TMEFF2: variants seen among roughly 807,000 people sequenced by gnomAD.
TMEFF2 encodes transmembrane protein with EGF like and two follistatin like domains 2, also known as tomoregulin-2.
In TMEFF2, 28 loss-of-function variants were observed where a neutral mutation model predicts 53.8. The observed-to-expected ratio is 0.52, with a 90% CI of 0.39 to 0.71. The LOEUF is 0.71. Among genes scored for constraint, TMEFF2 ranks in the 30% least tolerant of loss-of-function variants. TMEFF2 has a pLI of 0.00. For synonymous variants in TMEFF2, 162 were observed against 166.3 expected (o/e 0.97, Z 0.20); for missense variants, 353 against 455.2 (o/e 0.78, Z 2.04).
intron 4 of TMEFF2, among the ~76,000 whole-genome samples, chr2:192,128,189 A>AT (rs1318449496): frequency 6.6e-6 from 1 of 152,172 alleles, no homozygotes; most frequent in Non-Finnish European, 1.5e-5. Flanking sequence ...AAAGCCTACA[A>AT]TTTTCAAGAA....
intron 5 of TMEFF2, among the ~76,000 whole-genome samples, chr2:192,051,563 A>G (rs1306560908): frequency 2.6e-5 from 4 of 152,186 alleles, no homozygotes; most frequent in African/African-American, 9.7e-5. Flanking sequence ...AGGTGTCTTA[A>G]TTTTCCCTAT....
chr2:192,082,019 C>G (rs975289613), intron 4 of TMEFF2, among the ~76,000 whole-genome samples: 5 of 152,052 alleles, frequency 3.3e-5, no homozygotes, highest in Non-Finnish European at 7.4e-5. Flanking sequence ...CCAGGATGGT[C>G]TTGATCTCCT....
intron 7 of TMEFF2, among the ~76,000 whole-genome samples, chr2:191,966,131 G>A (rs1692464849): frequency 6.6e-6 from 1 of 152,118 alleles, no homozygotes; most frequent in African/African-American, 2.4e-5. Context: ...ATATACAAAA[G>A]TAAAAGCAGT....
intron 4 of TMEFF2, among the ~76,000 whole-genome samples, chr2:192,120,459 T>C (rs1490662187): frequency 1.3e-5 from 2 of 152,162 alleles, no homozygotes; most frequent in Non-Finnish European, 2.9e-5. Context: ...TGCTCATAAA[T>C]ATATACAGCT....
chr2:192,014,597 C>T (rs910868014), intron 5 of TMEFF2, among the ~76,000 whole-genome samples: 1 of 152,124 alleles, frequency 6.6e-6, no homozygotes, highest in Non-Finnish European at 1.5e-5. Context: ...CTGCTGTAAG[C>T]CTTTCCCAAC....
intron 5 of TMEFF2, among the ~76,000 whole-genome samples, chr2:192,015,997 G>A (rs978363949): frequency 7.2e-5 from 11 of 152,150 alleles, no homozygotes; most frequent in African/African-American, 2.7e-4. Context: ...TAAACATAAG[G>A]TCTGTACAGA....
chr2:191,964,849 C>G (rs1692425135), intron 7 of TMEFF2, among the ~76,000 whole-genome samples: 2 of 152,198 alleles, frequency 1.3e-5, no homozygotes, highest in Middle Eastern at 6.8e-3. Flanking sequence ...CCATCACAAT[C>G]TCTCAGTAAT....
At chr2:192,094,531 A>G (rs1039258517) in intron 4 of TMEFF2, among the ~76,000 whole-genome samples, 2 of 151,856 alleles carry the variant, frequency 1.3e-5, no homozygotes, top group African/African-American at 4.8e-5. Context: ...TGTTTGGTCA[A>G]TCTACACACC....
At chr2:192,061,697 T>C (rs879843207) in intron 4 of TMEFF2, among the ~76,000 whole-genome samples, 2 of 152,082 alleles carry the variant, frequency 1.3e-5, no homozygotes, top group Non-Finnish European at 2.9e-5. Context: ...GTTGGAGGTA[T>C]GGGTTGGTAG....
At chr2:192,160,435 A>C (rs1490110479) in intron 4 of TMEFF2, among the ~76,000 whole-genome samples, 1 of 152,190 alleles carries the variant, frequency 6.6e-6, no homozygotes. Context: ...CTTCTGGCAC[A>C]ACTCTGGACT....
intron 4 of TMEFF2, among the ~76,000 whole-genome samples, chr2:192,075,509 T>C (rs990233766): frequency 4.0e-5 from 6 of 150,988 alleles, no homozygotes; most frequent in Non-Finnish European, 7.4e-5. Flanking sequence ...CTACAAAGAA[T>C]TACCTTCCCA....
intron 5 of TMEFF2, among the ~76,000 whole-genome samples, chr2:192,013,160 T>A (rs1686669801): frequency 6.6e-6 from 1 of 152,150 alleles, no homozygotes; most frequent in South Asian, 2.1e-4. Context: ...AAACTTGTAG[T>A]CCTTACCGTG....
chr2:191,963,996 AT>A (rs1163946669), intron 7 of TMEFF2, among the ~76,000 whole-genome samples: 5 of 152,168 alleles, frequency 3.3e-5, no homozygotes, highest in Non-Finnish European at 7.4e-5. Context: ...TGTCTTAGTA[AT>A]TTACACAACT....
chr2:192,002,683 A>G (rs1372885755), intron 5 of TMEFF2, among the ~76,000 whole-genome samples: 1 of 152,142 alleles, frequency 6.6e-6, no homozygotes, highest in Non-Finnish European at 1.5e-5. Flanking sequence ...TACAAAAAGT[A>G]GTCAGATGTG....
At chr2:192,104,447 C>A (rs771327977) in intron 4 of TMEFF2, among the ~76,000 whole-genome samples, 4 of 152,012 alleles carry the variant, frequency 2.6e-5, no homozygotes, top group Non-Finnish European at 5.9e-5. Context: ...ATATTTATAA[C>A]CCTGGAAACT....
At chr2:192,027,338 G>A (rs1282560870) in intron 5 of TMEFF2, among the ~76,000 whole-genome samples, 1 of 152,102 alleles carries the variant, frequency 6.6e-6, no homozygotes, top group South Asian at 2.1e-4. Flanking sequence ...CCAAAAGCAT[G>A]TATTCAGTCC....
intron 4 of TMEFF2, among the ~76,000 whole-genome samples, chr2:192,166,370 T>C (rs1424489177): frequency 6.6e-6 from 1 of 152,146 alleles, no homozygotes; most frequent in East Asian, 1.9e-4. Context: ...AATGTACACA[T>C]ACTTCCCAAA....
intron 5 of TMEFF2, among the ~76,000 whole-genome samples, chr2:192,027,031 T>G (rs893877122): frequency 6.6e-6 from 1 of 152,216 alleles, no homozygotes; most frequent in African/African-American, 2.4e-5. Flanking sequence ...TATCATTAAT[T>G]TTCTTTTCAA....
intron 4 of TMEFF2, among the ~76,000 whole-genome samples, chr2:192,088,536 C>T (rs1039158138): frequency 2.0e-5 from 3 of 152,040 alleles, no homozygotes; most frequent in Non-Finnish European, 4.4e-5. Context: ...ACCACTATAG[C>T]GATGGTGTCA....
Sources: gnomAD v4.1 joint callset for allele counts (sites outside exome capture counted in the v4.1 genomes callset) on GRCh38, gnomAD v4.1.1 for gene constraint, MANE v1.5 for transcripts, NCBI Gene and HGNC (gene_info 2026-07-23, HGNC 2026-07-21) for gene names.